Variants in RAB3GAP2 observed in about 807,000 individuals in gnomAD.
RAB3GAP2 encodes rab3 GTPase-activating protein non-catalytic subunit.
In RAB3GAP2, 87 loss-of-function variants were observed where a neutral mutation model predicts 185.3. The observed-to-expected ratio is 0.47, with a 90% CI of 0.39 to 0.56. The LOEUF is 0.56. Among genes scored for constraint, RAB3GAP2 ranks in the 20% least tolerant of loss-of-function variants. The probability of loss-of-function intolerance (pLI) is 0.00; values close to 1 mark genes in which losing one functional copy is unlikely to be tolerated. For missense variants in RAB3GAP2, 1,492 were observed against 1,638.2 expected (o/e 0.91, Z 1.54); for synonymous variants, 554 against 576.1 (o/e 0.96, Z 0.55).
At chr1:220,159,485 AC>A (rs1018378247) in intron 28 of RAB3GAP2, 64 bp from the exon 29 acceptor site, 4 of 1,226,462 alleles carry the variant, frequency 3.3e-6, no homozygotes, top group Non-Finnish European at 4.7e-6. Flanking sequence ...TTACTATGGC[AC>A]AAATAATAAA....
intron 21 of RAB3GAP2, among the ~76,000 whole-genome samples, chr1:220,181,057 T>C (rs1259905983): frequency 1.3e-5 from 2 of 152,196 alleles, no homozygotes; most frequent in Non-Finnish European, 2.9e-5. Flanking sequence ...CAGAAAGTAT[T>C]ATAAGTAACC....
rs558705616 is a variant in RAB3GAP2 at position 220,208,556 on chromosome 1, G to A, written c.612+1832C>T. 5.7e-4 allele frequency among the ~76,000 whole-genome samples: 87 copies of A among 152,140 alleles called. 1 individual carries two copies. The highest frequency in any genetic ancestry group is 2.1e-3 in the African/African-American group (86 of 41,512). On this transcript the variant is annotated intron_variant, in intron 7 of 34. Transcript: ENST00000358951. Reference sequence around the variant, plus strand: ...TACCATCGCCTCAAACTCAACATGTGCAAAACCTCATTTAATAACATTTAC... The same window carrying A: ...TACCATCGCCTCAAACTCAACATGTACAAAACCTCATTTAATAACATTTAC...
At chr1:220,215,787 C>T (rs1659189196) in intron 2 of RAB3GAP2, among the ~76,000 whole-genome samples, 1 of 152,038 alleles carries the variant, frequency 6.6e-6, no homozygotes, top group Admixed American at 6.6e-5. Context: ...AGACTCCTAC[C>T]TTACTCAGCC....
intron 1 of RAB3GAP2, chr1:220,253,846 G>A (rs936831981): frequency 1.9e-6 from 3 of 1,612,490 alleles, no homozygotes; most frequent in Non-Finnish European, 2.5e-6. Flanking sequence ...GAGAGGGGCT[G>A]CCCCAGGAAA....
Position 220,157,254 on chromosome 1 carries a change from C to T in RAB3GAP2, c.3555+16G>A. 1.2e-6 allele frequency: 2 copies of T among 1,602,884 alleles called. No homozygotes were observed. The highest frequency in any genetic ancestry group is 2.2e-5 in the South Asian group (2 of 90,646). ...TGCAACTCCAAAATAGCTCTGAAATCCTGTGAGGTACTTACCTTACTGTCA... is the reference window on the plus strand; with the variant it reads ...TGCAACTCCAAAATAGCTCTGAAATTCTGTGAGGTACTTACCTTACTGTCA... On this transcript the variant is annotated intron_variant, in intron 31 of 34. Transcript: ENST00000358951.
At chr1:220,253,609 G>A (rs1659979250) in intron 1 of RAB3GAP2, 3 of 1,577,926 alleles carry the variant, frequency 1.9e-6, no homozygotes, top group South Asian at 1.1e-5. Context: ...ATTCCAGGAG[G>A]GTGAGCGAGT....
intron 1 of RAB3GAP2, chr1:220,267,283 T>C (rs1450503351): frequency 7.6e-6 from 7 of 920,818 alleles, no homozygotes; most frequent in Non-Finnish European, 1.3e-5. Flanking sequence ...AAGTGGTGTA[T>C]ATTCCAGAAT....
intron 2 of RAB3GAP2, among the ~76,000 whole-genome samples, chr1:220,228,156 T>C (rs899815171): frequency 6.6e-6 from 1 of 152,308 alleles, no homozygotes; most frequent in East Asian, 1.9e-4. Context: ...TGGATAAGAC[T>C]CAGACTCTCA....
chr1:220,193,169 G>T, intron 13 of RAB3GAP2, 71 bp downstream of exon 13: 2 of 1,557,614 alleles, frequency 1.3e-6, no homozygotes, highest in East Asian at 4.5e-5. Flanking sequence ...GAAGCTGAAG[G>T]ATGATAACAT....
At chr1:220,164,473 G>GTTTTTTT (rs35024056) in intron 27 of RAB3GAP2, among the ~76,000 whole-genome samples, 5 of 105,620 alleles carry the variant, frequency 4.7e-5, no homozygotes, top group African/African-American at 1.1e-4. Context: ...TTTTTGTTTT[G>GTTTTTTT]TTTTTTTTTT....
rs139745899 is a variant in RAB3GAP2, at chr1:220,267,186, C to T, written c.115+5037G>A. 5.2e-5 allele frequency: 52 copies of T among 1,002,034 alleles called. 1 individual carries two copies. In the East Asian group the frequency reaches 1.1e-3, roughly 22 times the overall value. 62.1% of individuals were successfully genotyped at this position (1,002,034 alleles called of 1,614,324 possible). ...TAACTGTTTTTGAATGACAGTAAGA[C>T]AGGGCACTTGCCAATTCTGTGATAT... is the stretch of plus-strand genomic sequence containing the variant. On this transcript the variant is annotated intron_variant, in intron 1 of 34. Coordinates refer to ENST00000358951, the MANE Select transcript of RAB3GAP2 (RefSeq NM_012414.4).
chr1:220,267,523 T>A, intron 1 of RAB3GAP2: 1 of 1,398,348 alleles, frequency 7.2e-7, no homozygotes. Flanking sequence ...AATTTCAAGG[T>A]CTTCCAAAGC....
intron 1 of RAB3GAP2, among the ~76,000 whole-genome samples, chr1:220,238,640 A>G (rs2102895013): frequency 6.6e-6 from 1 of 151,952 alleles, no homozygotes; most frequent in Non-Finnish European, 1.5e-5. Flanking sequence ...ATTCTCTCTT[A>G]CTCTCTGCCT....
chr1:220,156,277 A>G (rs1657856326), intron 31 of RAB3GAP2, among the ~76,000 whole-genome samples: 1 of 152,164 alleles, frequency 6.6e-6, no homozygotes, highest in South Asian at 2.1e-4. Flanking sequence ...AGGGTGAAAT[A>G]ATAAACCCAC....
chr1:220,250,237 G>A (rs1659907053), intron 1 of RAB3GAP2, among the ~76,000 whole-genome samples: 1 of 152,206 alleles, frequency 6.6e-6, no homozygotes, highest in South Asian at 2.1e-4. Context: ...CCTCTTGCAT[G>A]AGTGTGACAT....
rs999596297 is a variant in RAB3GAP2, at chr1:220,171,874, C to G, written c.2577+15G>C. On this transcript the variant is annotated intron_variant, in intron 23 of 34. Coordinates refer to ENST00000358951, the MANE Select transcript of RAB3GAP2 (RefSeq NM_012414.4). ...TGGATGTGTACAGATCAAAGCCATACCTTTACCCACTTACTTTTTTCTCTG... is the reference window on the plus strand; with the variant it reads ...TGGATGTGTACAGATCAAAGCCATAGCTTTACCCACTTACTTTTTTCTCTG... 6.2e-7 allele frequency: 1 copy of G among 1,614,076 alleles called. No homozygotes were observed. Among genetic ancestry groups the G allele is most frequent in the Non-Finnish European group, 8.5e-7 (1 of 1,180,004 alleles).
At chr1:220,164,640 T>G in intron 27 of RAB3GAP2, 93 bp downstream of exon 27, 2 of 1,515,112 alleles carry the variant, frequency 1.3e-6, no homozygotes, top group East Asian at 2.5e-5. Context: ...AAATAAAAAT[T>G]TAATAGGTTG....
intron 1 of RAB3GAP2, chr1:220,253,453 A>G: frequency 6.8e-7 from 1 of 1,463,250 alleles, no homozygotes; most frequent in South Asian, 1.4e-5. Context: ...ACCAGAACCC[A>G]GGATGTAGAG....
chr1:220,224,615 T>C lies in RAB3GAP2; in HGVS notation c.180+8184A>G, dbSNP rs1197434465. Among the ~76,000 whole-genome samples the C allele has an allele frequency of 2.6e-5, 4 of 152,038 alleles. No homozygotes were observed. The East Asian group carries it at 7.7e-4, about 29-fold the overall frequency. ...AAACACATGAATTTTACTCTCAGTC[T>C]CCCTAGCACCAGTAAGAACAACAGT... On this transcript the variant is annotated intron_variant, in intron 2 of 34. Coordinates refer to ENST00000358951, the MANE Select transcript of RAB3GAP2 (RefSeq NM_012414.4).
Sources: allele counts gnomAD v4.1 joint callset (sites outside exome capture counted in the v4.1 genomes callset), GRCh38; gene constraint gnomAD v4.1.1; transcripts MANE v1.5; gene names NCBI Gene and HGNC (gene_info 2026-07-23, HGNC 2026-07-21).